Variants in RNF150 observed in about 807,000 individuals in gnomAD.
The protein encoded by RNF150 is ring finger protein 150.
A neutral mutation model predicts 39.3 loss-of-function variants in RNF150; 24 were observed. The observed-to-expected ratio is 0.61, with a 90% CI of 0.44 to 0.86. The LOEUF (loss-of-function observed/expected upper bound fraction) is 0.86, where lower values mean the gene tolerates loss of function less well. Among genes scored for constraint, RNF150 ranks in the 40% least tolerant of loss-of-function variants. RNF150 has a pLI of 0.00. For missense variants in RNF150, 502 were observed against 587.8 expected, an observed-to-expected ratio of 0.85 and a Z score of 1.51; for synonymous variants, 255 against 227.3, an observed-to-expected ratio of 1.12 and a Z score of -1.10.
intron 1 of RNF150, among the ~76,000 whole-genome samples, chr4:141,053,481 G>A (rs886842804): frequency 2.6e-5 from 4 of 152,136 alleles, no homozygotes; most frequent in African/African-American, 9.7e-5. Flanking sequence ...ACAGAGTGTG[G>A]GATGAGGCCA....
Position 141,132,943 on chromosome 4 carries a change from G to C in RNF150, c.-135C>G, listed in dbSNP as rs998998296. The C allele has an allele frequency of 3.2e-5, 21 of 662,928 alleles. 1 individual carries two copies. The East Asian group carries it at 5.2e-4, about 16-fold the overall frequency. 41.1% of individuals were successfully genotyped at this position (662,928 alleles called of 1,614,324 possible). A position where few individuals can be genotyped will look rare whatever the true frequency, so the allele number is the denominator to read the frequency against. ...CTCCCGGGCCGGAGGGGCCGCGGCC[G>C]GGACGCGCAGCCGCCGCGGGGACCG... On this transcript the variant is annotated 5_prime_UTR_variant, in exon 1 of 7. Transcript: ENST00000515673. This position sits in a 1 kb window ranked among gnomAD's most constrained non-coding sequence, Gnocchi z 4.9.
chr4:140,952,421 G>A (rs151004311), intron 2 of RNF150, among the ~76,000 whole-genome samples: 14 of 152,266 alleles, frequency 9.2e-5, no homozygotes, highest in African/African-American at 2.6e-4. Context: ...TTAAATGTGG[G>A]CATGTAGGGG....
At position 140,967,654 on chromosome 4, in the gene RNF150, A is replaced by T. The variant is rs1733297593; in HGVS notation, c.704T>A (p.Phe235Tyr). The T allele has an allele frequency of 6.2e-7, 1 of 1,611,232 alleles. No individual in the cohort carries two copies. Residue 235 changes from phenylalanine (F) to tyrosine (Y), a missense_variant, in exon 2 of 7, where the codon TTT becomes TAT. Phe to Tyr is a conservative substitution (Grantham distance 22). Coordinates refer to ENST00000515673, the MANE Select transcript of RNF150 (RefSeq NM_020724.2). The stretch of plus-strand genomic sequence containing the variant: ...CCTATCCCTGGCATTTGCATATCGA[A>T]ACCTCTGGATGTAATAAAAGACGAG... ...AWLVFYYIQR[F>Y]RYANARDRNQ... is the part of the protein sequence containing the mutation.
intron 1 of RNF150, among the ~76,000 whole-genome samples, chr4:140,980,518 C>G (rs1294714177): frequency 1.3e-5 from 2 of 152,010 alleles, no homozygotes; most frequent in Admixed American, 1.3e-4. Flanking sequence ...TCCCCCTGCC[C>G]CCAGATCTCA....
intron 1 of RNF150, among the ~76,000 whole-genome samples, chr4:141,204,254 GGA>G (rs1323641430): frequency 6.6e-6 from 1 of 152,130 alleles, no homozygotes; most frequent in African/African-American, 2.4e-5. Context: ...GAGAAAAGCA[GGA>G]GAGTTGAGCT....
chr4:141,000,071 GAAGAAGAAGAAGA>G (rs1734596476), intron 1 of RNF150, among the ~76,000 whole-genome samples: 1 of 90,526 alleles, frequency 1.1e-5, no homozygotes, highest in African/African-American at 4.2e-5. Context: ...AGAAGAAGAA[GAAGAAGAAGAAGA>G]AGGAGAAGAA....
In RNF150 at chr4:140,922,798, C is replaced by T. The variant is rs544358365; in HGVS notation, c.987+3179G>A. Among the ~76,000 whole-genome samples, 158 of 151,474 alleles carry T rather than the reference C, an allele frequency of 1.0e-3. 1 individual carries two copies. Among genetic ancestry groups the T allele is most frequent in the African/African-American group, 3.9e-3 (158 of 40,898 alleles). ...TATAGACCAATGGAACAGAACAGAG[C>T]CCTCAGAAATAATGCCGCATATCTA... is the stretch of plus-strand genomic sequence containing the variant. On this transcript the variant is annotated intron_variant, in intron 5 of 6. Coordinates refer to ENST00000515673, the MANE Select transcript of RNF150 (RefSeq NM_020724.2).
At chr4:140,975,272 C>T (rs1579019636) in intron 1 of RNF150, among the ~76,000 whole-genome samples, 1 of 152,052 alleles carries the variant, frequency 6.6e-6, no homozygotes, top group African/African-American at 2.4e-5. Flanking sequence ...AAAACAAATA[C>T]ATAAAATACA....
intron 1 of RNF150, among the ~76,000 whole-genome samples, chr4:141,089,040 G>T (rs1419826762): frequency 6.6e-6 from 1 of 152,124 alleles, no homozygotes; most frequent in Non-Finnish European, 1.5e-5. Flanking sequence ...TTGAAGATTG[G>T]TCTCTAGGAA....
chr4:141,132,274 G>T lies in RNF150; in HGVS notation c.484+51C>A. 1.3e-6 allele frequency: 2 copies of T among 1,543,396 alleles called. No homozygotes were observed. The highest frequency in any genetic ancestry group is 1.2e-5 in the South Asian group (1 of 83,524). On this transcript the variant is annotated intron_variant, in intron 1 of 6. Coordinates refer to ENST00000515673, the MANE Select transcript of RNF150 (RefSeq NM_020724.2). This position sits in a 1 kb window ranked among gnomAD's most constrained non-coding sequence, Gnocchi z 4.9. Reference sequence around the variant, plus strand: ...GGAGGCAGGCGCTGGATCCCTCTAGGCACCTCCGTCCCCGCCGGCTCCCCT... The same window carrying T: ...GGAGGCAGGCGCTGGATCCCTCTAGTCACCTCCGTCCCCGCCGGCTCCCCT...
chr4:140,991,098 A>C (rs1734181952), intron 1 of RNF150, among the ~76,000 whole-genome samples: 1 of 151,830 alleles, frequency 6.6e-6, no homozygotes, highest in Admixed American at 6.6e-5. Flanking sequence ...AGTGATGTTG[A>C]GCTTTTTTAT....
intron 1 of RNF150, among the ~76,000 whole-genome samples, chr4:141,185,148 T>C (rs570054750): frequency 3.9e-4 from 59 of 152,348 alleles, no homozygotes; most frequent in African/African-American, 1.4e-3. Flanking sequence ...ATATGGATTC[T>C]TCCTGTCCAT....
At chr4:141,205,469 T>C (rs1728360275) in intron 1 of RNF150, among the ~76,000 whole-genome samples, 1 of 152,126 alleles carries the variant, frequency 6.6e-6, no homozygotes, top group Non-Finnish European at 1.5e-5. Flanking sequence ...AAAAATGGTT[T>C]TTATTATTGA....
intron 1 of RNF150, among the ~76,000 whole-genome samples, chr4:141,155,394 G>A (rs1262083867): frequency 2.6e-5 from 4 of 151,846 alleles, no homozygotes; most frequent in South Asian, 2.1e-4. Context: ...CACTACGACC[G>A]GCCGAGAGCT....
chr4:140,959,770 G>T (rs1732941221), intron 2 of RNF150, among the ~76,000 whole-genome samples: 2 of 152,072 alleles, frequency 1.3e-5, no homozygotes, highest in Admixed American at 6.6e-5. Flanking sequence ...AAGGTGTAAG[G>T]CAAGGAGAGA....
At chr4:140,916,430 G>C (rs1240203736) in intron 5 of RNF150, among the ~76,000 whole-genome samples, 1 of 152,288 alleles carries the variant, frequency 6.6e-6, no homozygotes, top group East Asian at 1.9e-4. Context: ...TGATCAACTG[G>C]AAGAAAGGGT....
At chr4:140,903,568 T>C (rs372632091) in intron 6 of RNF150, among the ~76,000 whole-genome samples, 97 of 152,344 alleles carry the variant, frequency 6.4e-4, no homozygotes, top group African/African-American at 2.2e-3. Context: ...CCGAGATCCA[T>C]GCACAGTGTG....
At chr4:140,916,389 G>A (rs1459665063) in intron 5 of RNF150, among the ~76,000 whole-genome samples, 5 of 152,276 alleles carry the variant, frequency 3.3e-5, no homozygotes, top group South Asian at 2.1e-4. Context: ...CAAGAACTAC[G>A]TGACGAATGC....
At chr4:141,017,408 C>T (rs1435557692) in intron 1 of RNF150, among the ~76,000 whole-genome samples, 4 of 152,100 alleles carry the variant, frequency 2.6e-5, no homozygotes, top group Non-Finnish European at 5.9e-5. Context: ...CCCCCTTACA[C>T]ACTCTTCCTA....
Sources: allele counts gnomAD v4.1 joint callset (sites outside exome capture counted in the v4.1 genomes callset), GRCh38; gene constraint gnomAD v4.1.1; non-coding constraint Gnocchi (gnomAD v3.1); transcripts MANE v1.5; gene names NCBI Gene and HGNC (gene_info 2026-07-23, HGNC 2026-07-21).